EPS8: variants seen among roughly 807,000 people sequenced by gnomAD.
The protein encoded by EPS8 is EGFR pathway substrate 8, signaling adaptor.
Under a neutral mutation model 103.8 loss-of-function variants are expected in EPS8, and 42 were observed. The ratio of observed to expected loss-of-function variants is 0.40; its 90% CI spans 0.32 to 0.52. The LOEUF is 0.52. EPS8 is among the 20% of genes least tolerant of loss of function. The pLI is 0.40. For synonymous variants in EPS8, 344 were observed against 344.6 expected, an observed-to-expected ratio of 1.00 and a Z score of 0.02; for missense variants, 969 against 1,005.1, an observed-to-expected ratio of 0.96 and a Z score of 0.49.
rs1049216154 is a variant in EPS8 at position 15,780,762 on chromosome 12, T to C, written c.-22+8399A>G. ...AGGCAGAGATCCTGTCTTACTCATC[T>C]TTGTATTCCTGGTGTCTGGCACAGA... On this transcript the variant is annotated intron_variant, in intron 1 of 20. Transcript: ENST00000281172. The surrounding 1 kb of genome is among the most constrained non-coding windows in gnomAD (Gnocchi z 4.1). The C allele has an allele frequency of 6.6e-6, 1 of 152,226 alleles. No homozygotes were observed. Among genetic ancestry groups the C allele is most frequent in the African/African-American group, 2.4e-5 (1 of 41,454 alleles). The allele number at this position is 152,226 out of a possible 1,614,324, so 9.4% of individuals were successfully genotyped here.
intron 15 of EPS8, among the ~76,000 whole-genome samples, chr12:15,643,363 T>C (rs528520513): frequency 2.5e-4 from 38 of 152,178 alleles, no homozygotes; most frequent in Admixed American, 1.2e-3. Context: ...TCACAGTTTT[T>C]TGCCCTCTAT....
chr12:15,626,405 C>T (rs61908092), intron 18 of EPS8, among the ~76,000 whole-genome samples: 8,337 of 151,820 alleles, frequency 0.055, 323 homozygotes, highest in Middle Eastern at 0.082. Flanking sequence ...CTGAGGCAGG[C>T]GGATCACAAG....
chr12:15,631,441 C>G lies in EPS8; in HGVS notation c.2044+1G>C. The G allele has an allele frequency of 6.2e-7, 1 of 1,613,780 alleles. No homozygotes were observed. Among genetic ancestry groups the G allele is most frequent in the Non-Finnish European group, 8.5e-7 (1 of 1,179,776 alleles). ...ATTTTTTGCCTCCCTGGGAAACTTACGGTCCACCGGAAGTTGTTTGTGTCT... is the reference window on the plus strand; with the variant it reads ...ATTTTTTGCCTCCCTGGGAAACTTAGGGTCCACCGGAAGTTGTTTGTGTCT... On this transcript the variant is annotated splice_donor_variant, in intron 18 of 20. Coordinates refer to ENST00000281172, the MANE Select transcript of EPS8 (RefSeq NM_004447.6). LOFTEE classifies it high-confidence loss of function.
rs532976818 is a variant in EPS8 at position 15,680,363 on chromosome 12, C to T, written c.136+863G>A. 1.6e-4 allele frequency among the ~76,000 whole-genome samples: 24 copies of T among 152,208 alleles called. No homozygotes were observed. In the South Asian group the frequency reaches 4.8e-3, roughly 30 times the overall value. ...ATATCAACAATAATAATAGCAAACA[C>T]ATACAGTGTTTTCTACTTGCCAAGA... On this transcript the variant is annotated intron_variant, in intron 3 of 20. Coordinates refer to ENST00000281172, the MANE Select transcript of EPS8 (RefSeq NM_004447.6).
chr12:15,728,337 T>C lies in EPS8; in HGVS notation c.-21-45365A>G, dbSNP rs555543065. The C allele has an allele frequency of 2.6e-5, 4 of 152,298 alleles. No homozygotes were observed. The East Asian group carries it at 7.7e-4, about 29-fold the overall frequency. The allele number at this position is 152,298 out of a possible 1,614,324, so 9.4% of individuals were successfully genotyped here. A position where few individuals can be genotyped will look rare whatever the true frequency, so the allele number is the denominator to read the frequency against. ...GGGGGGTGCCTTGTGGGTGTATGTG[T>C]GTATATAACTTATCCAGTGTCCTTG... On this transcript the variant is annotated intron_variant, in intron 1 of 20. Transcript: ENST00000281172. The surrounding 1 kb of genome is among the most constrained non-coding windows in gnomAD (Gnocchi z 4.5).
rs1242551681 is a variant in EPS8 at position 15,727,153 on chromosome 12, T to C, written c.-21-44181A>G. 6.6e-6 allele frequency among the ~76,000 whole-genome samples: 1 copy of C among 152,212 alleles called. No individual in the cohort carries two copies. The highest frequency in any genetic ancestry group is 1.5e-5 in the Non-Finnish European group (1 of 68,032). ...TAGTTAAATCTAAGTTAAGTACAAG[T>C]GACTACGTTTTTACTGTTTAAATTT... On this transcript the variant is annotated intron_variant, in intron 1 of 20. Transcript: ENST00000281172. The surrounding 1 kb of genome is among the most constrained non-coding windows in gnomAD (Gnocchi z 4.3).
rs527806283 is a variant in EPS8 at position 15,643,717 on chromosome 12, C to T, written c.1569-1887G>A. ...TCGTGCCATTGCACTCCAGCCTGGGCGACAAGAGCAAAACTCTGTCTCGAA... is the reference window on the plus strand; with the variant it reads ...TCGTGCCATTGCACTCCAGCCTGGGTGACAAGAGCAAAACTCTGTCTCGAA... On this transcript the variant is annotated intron_variant, in intron 15 of 20. Coordinates refer to ENST00000281172, the MANE Select transcript of EPS8 (RefSeq NM_004447.6). 1.0e-3 allele frequency among the ~76,000 whole-genome samples: 116 copies of T among 114,854 alleles called. 1 individual carries two copies. The highest frequency in any genetic ancestry group is 3.8e-3 in the African/African-American group (114 of 29,696). The allele number at this position is 114,854 out of a possible 152,430, so 75.3% of individuals were successfully genotyped here. A position where few individuals can be genotyped will look rare whatever the true frequency, so the allele number is the denominator to read the frequency against.
At chr12:15,711,026 T>C (rs935409831) in intron 1 of EPS8, among the ~76,000 whole-genome samples, 1 of 149,496 alleles carries the variant, frequency 6.7e-6, no homozygotes, top group Non-Finnish European at 1.5e-5. Flanking sequence ...TGCACCACCA[T>C]GCCAGGCTTA....
chr12:15,774,412 C>G (rs1947186170), intron 1 of EPS8, among the ~76,000 whole-genome samples: 1 of 147,364 alleles, frequency 6.8e-6, no homozygotes, highest in Non-Finnish European at 1.5e-5. Flanking sequence ...GTAGACAGAA[C>G]TTGGAAAATT....
chr12:15,736,258 T>C lies in EPS8; in HGVS notation c.-22+52903A>G, dbSNP rs1946765956. 6.6e-6 allele frequency among the ~76,000 whole-genome samples: 1 copy of C among 152,168 alleles called. No homozygotes were observed. The highest frequency in any genetic ancestry group is 1.5e-5 in the Non-Finnish European group (1 of 68,030). ...AATGAACTGTAATAATTAACAATAT[T>C]AACTTTTTTATAACATGAGTCTAGC... On this transcript the variant is annotated intron_variant, in intron 1 of 20. Coordinates refer to ENST00000281172, the MANE Select transcript of EPS8 (RefSeq NM_004447.6). The surrounding 1 kb of genome is among the most constrained non-coding windows in gnomAD (Gnocchi z 4.2).
chr12:15,687,084 T>C (rs1361332413), intron 1 of EPS8, among the ~76,000 whole-genome samples: 1 of 152,100 alleles, frequency 6.6e-6, no homozygotes, highest in Non-Finnish European at 1.5e-5. Flanking sequence ...ACCAATACTT[T>C]GTGACATTGT....
At chr12:15,703,656 G>A (rs1002884025) in intron 1 of EPS8, among the ~76,000 whole-genome samples, 1 of 151,512 alleles carries the variant, frequency 6.6e-6, no homozygotes, top group Non-Finnish European at 1.5e-5. Flanking sequence ...TAATCTTTTA[G>A]GAGATGGTAA....
chr12:15,774,654 A>G (rs1346229901), intron 1 of EPS8, among the ~76,000 whole-genome samples: 5 of 147,704 alleles, frequency 3.4e-5, no homozygotes, highest in Non-Finnish European at 7.5e-5. Flanking sequence ...CATATAAAAT[A>G]TATATACACA....
intron 15 of EPS8, among the ~76,000 whole-genome samples, chr12:15,644,154 T>G (rs1945279673): frequency 6.6e-6 from 1 of 152,210 alleles, no homozygotes; most frequent in African/African-American, 2.4e-5. Context: ...TAGCTGAGTC[T>G]CAGCCAATCC....
chr12:15,683,748 T>G, intron 1 of EPS8: 1 of 142,812 alleles, frequency 7.0e-6, no homozygotes, highest in African/African-American at 3.1e-5. Context: ...TGGAATGGCC[T>G]TTTCTTTCTT....
Position 15,630,520 on chromosome 12 carries a change from T to C in EPS8, c.2044+922A>G, listed in dbSNP as rs141350261. Among the ~76,000 whole-genome samples, 1,329 of 152,310 alleles carry C rather than the reference T, an allele frequency of 8.7e-3. 26 individuals carry two copies. Among genetic ancestry groups the C allele is most frequent in the African/African-American group, 0.031 (1,275 of 41,554 alleles). On this transcript the variant is annotated intron_variant, in intron 18 of 20. Coordinates refer to ENST00000281172, the MANE Select transcript of EPS8 (RefSeq NM_004447.6). Reference sequence around the variant, plus strand: ...AGTGTCTTTTTAGTTTACTTAAATATGGTTTTCATAGAAACCATTTATATG... The same window carrying C: ...AGTGTCTTTTTAGTTTACTTAAATACGGTTTTCATAGAAACCATTTATATG...
chr12:15,668,895 G>A (rs1945763492), intron 6 of EPS8, among the ~76,000 whole-genome samples: 1 of 152,094 alleles, frequency 6.6e-6, no homozygotes, highest in Admixed American at 6.5e-5. Flanking sequence ...TAAACAGAAT[G>A]CATCTTATTT....
rs1432132313 is a variant in EPS8 at position 15,769,257 on chromosome 12, G to T, written c.-22+19904C>A. Reference sequence around the variant, plus strand: ...AACAAAAAGCACACAAAAAATAAGAGATACAATCAGGCAAATATTATATGT... The same window carrying T: ...AACAAAAAGCACACAAAAAATAAGATATACAATCAGGCAAATATTATATGT... On this transcript the variant is annotated intron_variant, in intron 1 of 20. Coordinates refer to ENST00000281172, the MANE Select transcript of EPS8 (RefSeq NM_004447.6). The surrounding 1 kb of genome is among the most constrained non-coding windows in gnomAD (Gnocchi z 4.6). Among the ~76,000 whole-genome samples the T allele has an allele frequency of 6.6e-6, 1 of 152,014 alleles. No individual in the cohort carries two copies. The highest frequency in any genetic ancestry group is 1.5e-5 in the Non-Finnish European group (1 of 67,984).
At position 15,745,243 on chromosome 12, in the gene EPS8, C is replaced by A. The variant is rs1213227361; in HGVS notation, c.-22+43918G>T. 6.6e-6 allele frequency among the ~76,000 whole-genome samples: 1 copy of A among 152,170 alleles called. No individual in the cohort carries two copies. Among genetic ancestry groups the A allele is most frequent in the Non-Finnish European group, 1.5e-5 (1 of 68,026 alleles). ...ATGAGTATAAAAGAACACTTTACAA[C>A]CTAACTGCTTATTATAGACTAAGTT... is the stretch of plus-strand genomic sequence containing the variant. On this transcript the variant is annotated intron_variant, in intron 1 of 20. Transcript: ENST00000281172. This position sits in a 1 kb window ranked among gnomAD's most constrained non-coding sequence, Gnocchi z 4.6.
Sources: allele counts gnomAD v4.1 joint callset (sites outside exome capture counted in the v4.1 genomes callset), GRCh38; gene constraint gnomAD v4.1.1; non-coding constraint Gnocchi (gnomAD v3.1); transcripts MANE v1.5; gene names NCBI Gene and HGNC (gene_info 2026-07-23, HGNC 2026-07-21).